Variants in FARS2 observed in about 807,000 individuals in gnomAD.
FARS2 encodes phenylalanine--tRNA ligase, mitochondrial.
A neutral mutation model predicts 46.4 loss-of-function variants in FARS2; 40 were observed. The observed-to-expected ratio is 0.86, with a 90% CI of 0.67 to 1.12. The LOEUF is 1.12. Ranked by LOEUF, FARS2 falls within the 50% of genes most tolerant of loss-of-function variation. The pLI, the probability that FARS2 is intolerant of heterozygous loss-of-function variation, is 0.00. For synonymous variants in FARS2, 234 were observed against 214.9 expected, an observed-to-expected ratio of 1.09 and a Z score of -0.78; for missense variants, 513 against 567.9, an observed-to-expected ratio of 0.90 and a Z score of 0.98.
intron 6 of FARS2, among the ~76,000 whole-genome samples, chr6:5,663,000 C>G (rs115369647): frequency 0.019 from 2,851 of 152,268 alleles, 56 homozygotes; most frequent in African/African-American, 0.044. Context: ...AGTGATGGTG[C>G]TTCGGAAGCC....
intron 4 of FARS2, among the ~76,000 whole-genome samples, chr6:5,541,028 G>T (rs933789946): frequency 3.3e-5 from 5 of 152,186 alleles, no homozygotes; most frequent in Admixed American, 1.3e-4. Context: ...TTCTCAGCTT[G>T]CAGTCTGCAG....
intron 1 of FARS2, among the ~76,000 whole-genome samples, chr6:5,363,990 T>C (rs1016418689): frequency 6.6e-6 from 1 of 152,252 alleles, no homozygotes; most frequent in African/African-American, 2.4e-5. Context: ...AATTGTAATG[T>C]GGCTATCTCA....
At position 5,608,706 on chromosome 6, in the gene FARS2, A is replaced by G. The variant is rs570970873; in HGVS notation, c.1066-4463A>G. Reference sequence around the variant, plus strand: ...AATCCCTTTTAATGGTGAACTTCAGATCGCAACAGTAACCATCAGTTCACC... The same window carrying G: ...AATCCCTTTTAATGGTGAACTTCAGGTCGCAACAGTAACCATCAGTTCACC... On this transcript the variant is annotated intron_variant, in intron 5 of 6. Coordinates refer to ENST00000274680, the MANE Select transcript of FARS2 (RefSeq NM_006567.5). Among the ~76,000 whole-genome samples the G allele has an allele frequency of 5.9e-5, 9 of 152,220 alleles. No individual in the cohort carries two copies. In the South Asian group the frequency reaches 1.9e-3, roughly 32 times the overall value.
chr6:5,695,109 TTCTCA>T (rs1186805120), intron 6 of FARS2: 3 of 152,390 alleles, frequency 2.0e-5, no homozygotes, highest in African/African-American at 7.2e-5. Flanking sequence ...CTTCTTTTCA[TTCTCA>T]TGAAAGTTAA....
At chr6:5,563,301 G>A (rs76782930) in intron 5 of FARS2, among the ~76,000 whole-genome samples, 1 of 152,120 alleles carries the variant, frequency 6.6e-6, no homozygotes, top group South Asian at 2.1e-4. Flanking sequence ...TTATATACAC[G>A]TGGGAATATG....
At position 5,609,907 on chromosome 6, in the gene FARS2, G is replaced by A. The variant is rs1447484177; in HGVS notation, c.1066-3262G>A. 3.3e-5 allele frequency: 36 copies of A among 1,075,308 alleles called. No homozygotes were observed. The South Asian group carries it at 3.7e-4, about 11-fold the overall frequency. 66.6% of individuals were successfully genotyped at this position (1,075,308 alleles called of 1,614,324 possible). A position where few individuals can be genotyped will look rare whatever the true frequency, so the allele number is the denominator to read the frequency against. On this transcript the variant is annotated intron_variant, in intron 5 of 6. Coordinates refer to ENST00000274680, the MANE Select transcript of FARS2 (RefSeq NM_006567.5). Reference sequence around the variant, plus strand: ...CTTTTTCACAGTTAAGTGGGCATCTGGTGTTTGAGAATCTTCTCTTGAGAC... The same window carrying A: ...CTTTTTCACAGTTAAGTGGGCATCTAGTGTTTGAGAATCTTCTCTTGAGAC...
intron 6 of FARS2, among the ~76,000 whole-genome samples, chr6:5,698,489 A>G (rs868865990): frequency 2.0e-5 from 3 of 152,196 alleles, no homozygotes; most frequent in African/African-American, 7.2e-5. Flanking sequence ...GGCAGGGACA[A>G]GTATCCAAAC....
chr6:5,594,695 A>C (rs1774101328), intron 5 of FARS2, among the ~76,000 whole-genome samples: 2 of 152,210 alleles, frequency 1.3e-5, no homozygotes, highest in African/African-American at 4.8e-5. Flanking sequence ...GCTAAGGCCC[A>C]GACCCCTGAA....
chr6:5,641,470 T>C (rs375527465), intron 6 of FARS2, among the ~76,000 whole-genome samples: 2 of 152,292 alleles, frequency 1.3e-5, no homozygotes, highest in South Asian at 2.1e-4. Flanking sequence ...CTAATGTTTG[T>C]ATTTTTAGTA....
At chr6:5,252,812 T>A in the FARS2 span, among the ~76,000 whole-genome samples, 4 of 152,256 alleles carry the variant, frequency 2.6e-5, no homozygotes, top group African/African-American at 9.6e-5. Context: ...TTTGCAACCA[T>A]CAGGCATAAG....
At chr6:5,560,946 T>C (rs1291487287) in intron 5 of FARS2, among the ~76,000 whole-genome samples, 1 of 152,048 alleles carries the variant, frequency 6.6e-6, no homozygotes, top group African/African-American at 2.4e-5. Context: ...CTGGCCAACA[T>C]GGTGAAACCC....
At chr6:5,286,807 G>A (rs555668671) in intron 1 of FARS2, among the ~76,000 whole-genome samples, 3 of 152,216 alleles carry the variant, frequency 2.0e-5, no homozygotes, top group Non-Finnish European at 4.4e-5. Flanking sequence ...TGGCATGTGT[G>A]TATGTGTGTG....
intron 2 of FARS2, among the ~76,000 whole-genome samples, chr6:5,381,408 C>CACAT (rs1163181135): frequency 8.6e-5 from 12 of 139,050 alleles, no homozygotes; most frequent in Admixed American, 1.5e-4. Flanking sequence ...CACACACATA[C>CACAT]ACACACACAC....
rs529286298 is a variant in FARS2 at position 5,638,104 on chromosome 6, T to G, written c.1217+24784T>G. Among the ~76,000 whole-genome samples, 9 of 152,358 alleles carry G rather than the reference T, an allele frequency of 5.9e-5. No homozygotes were observed. In the South Asian group the frequency reaches 1.9e-3, roughly 32 times the overall value. ...AACAGCGACTTCTGCCTGGGGATGC[T>G]GTGCCTTATACTGCAAGATGGTGCT... On this transcript the variant is annotated intron_variant, in intron 6 of 6. Transcript: ENST00000274680.
At chr6:5,350,482 A>G (rs1212362648) in intron 1 of FARS2, among the ~76,000 whole-genome samples, 1 of 152,240 alleles carries the variant, frequency 6.6e-6, no homozygotes, top group Non-Finnish European at 1.5e-5. Flanking sequence ...GGTTAGACAC[A>G]GAGATCAGTG....
intron 1 of FARS2, among the ~76,000 whole-genome samples, chr6:5,315,805 G>A (rs552841286): frequency 2.9e-4 from 36 of 125,758 alleles, no homozygotes; most frequent in South Asian, 2.0e-3. Context: ...AATACCTAAC[G>A]CATTTGTGAT....
intron 1 of FARS2, among the ~76,000 whole-genome samples, chr6:5,351,440 C>T (rs1461510391): frequency 6.6e-6 from 1 of 152,070 alleles, no homozygotes; most frequent in South Asian, 2.1e-4. Context: ...TTTAGCAAGC[C>T]CAGGAAAATC....
chr6:5,412,889 C>T (rs1204824952), intron 3 of FARS2, among the ~76,000 whole-genome samples: 6 of 152,118 alleles, frequency 3.9e-5, no homozygotes, highest in South Asian at 2.1e-4. Context: ...CTCGCCTCGC[C>T]GTAGCTTAGA....
In FARS2 at chr6:5,613,156, CTTGTT is replaced by C. The variant is rs1775278085; in HGVS notation, c.1066-7_1066-3del. 1.9e-6 allele frequency: 3 copies of C among 1,608,272 alleles called. No individual in the cohort carries two copies. Among genetic ancestry groups the C allele is most frequent in the Admixed American group, 3.4e-5 (2 of 58,978 alleles). ...AACAAGTTCATGTATCTTTTCTCCT[CTTGTT>C]TTGTTAGCCTCTTAGCAAATATCCG... On this transcript the variant is annotated splice_polypyrimidine_tract_variant and splice_region_variant and intron_variant, in intron 5 of 6. Coordinates refer to ENST00000274680, the MANE Select transcript of FARS2 (RefSeq NM_006567.5).
Sources: gnomAD v4.1 joint callset for allele counts (sites outside exome capture counted in the v4.1 genomes callset) on GRCh38, gnomAD v4.1.1 for gene constraint, MANE v1.5 for transcripts, NCBI Gene and HGNC (gene_info 2026-07-23, HGNC 2026-07-21) for gene names.